Variants in MOCS1 observed in about 807,000 individuals in gnomAD.
MOCS1 encodes molybdenum cofactor biosynthesis protein 1.
MOCS1 carries 39 observed loss-of-function variants against 57.6 expected under a neutral mutation model. That is an observed-to-expected ratio of 0.68 (90% CI 0.52 to 0.88). MOCS1 has a LOEUF of 0.88. Ranked by LOEUF, MOCS1 falls within the 40% of genes least tolerant of loss-of-function variation. MOCS1 has a pLI of 0.00. For synonymous variants in MOCS1, 334 were observed against 335.7 expected (o/e 1.00, Z 0.05); for missense variants, 795 against 831.1 (o/e 0.96, Z 0.53).
In MOCS1 at chr6:39,904,368, A is replaced by C. The variant is rs1310909290; in HGVS notation, c.*1989T>G. Reference sequence around the variant, plus strand: ...CAACAGTGCCTTGGACCATGGACTCATACTCAACTGAGTAAGAAGGGGCTG... The same window carrying C: ...CAACAGTGCCTTGGACCATGGACTCCTACTCAACTGAGTAAGAAGGGGCTG... On this transcript the variant is annotated 3_prime_UTR_variant, in exon 11 of 11. Transcript: ENST00000340692. 3 of 456,652 alleles carry C rather than the reference A, an allele frequency of 6.6e-6. No individual in the cohort carries two copies. In the East Asian group the frequency reaches 2.1e-4, roughly 32 times the overall value. The allele number at this position is 456,652 out of a possible 1,614,324, so 28.3% of individuals were successfully genotyped here.
At position 39,913,768 on chromosome 6, in the gene MOCS1, C is replaced by T; in HGVS notation, c.645+6G>A. The T allele has an allele frequency of 3.1e-6, 5 of 1,614,114 alleles. No homozygotes were observed. The highest frequency in any genetic ancestry group is 2.2e-5 in the East Asian group (1 of 44,874). Reference sequence around the variant, plus strand: ...TCGGGAATCTACGGCAGGGGCACGGCCTCACCTTCACAGGGTTGTAGCCCA... The same window carrying T: ...TCGGGAATCTACGGCAGGGGCACGGTCTCACCTTCACAGGGTTGTAGCCCA... On this transcript the variant is annotated splice_donor_region_variant and intron_variant, in intron 5 of 10. Transcript: ENST00000340692.
chr6:39,921,339 C>T (rs1767957868), intron 3 of MOCS1, among the ~76,000 whole-genome samples: 1 of 151,764 alleles, frequency 6.6e-6, no homozygotes, highest in South Asian at 2.1e-4. Context: ...GCAGTGGTTG[C>T]AGTCAGCTCA....
chr6:39,911,618 T>C (rs1767334875), intron 8 of MOCS1, among the ~76,000 whole-genome samples: 1 of 152,194 alleles, frequency 6.6e-6, no homozygotes, highest in Admixed American at 6.5e-5. Flanking sequence ...TAGCTGACTT[T>C]AATCTGCCCT....
chr6:39,929,577 G>A (rs1201028520), intron 1 of MOCS1, among the ~76,000 whole-genome samples: 1 of 151,978 alleles, frequency 6.6e-6, no homozygotes, highest in Admixed American at 6.6e-5. Context: ...CAAAGAATTG[G>A]AAGTTGAGAG....
intron 1 of MOCS1, among the ~76,000 whole-genome samples, chr6:39,933,745 T>A (rs1768762077): frequency 6.6e-6 from 1 of 151,942 alleles, no homozygotes; most frequent in Admixed American, 6.6e-5. Context: ...CCTGTTCTGC[T>A]CTAGGATAAG....
intron 7 of MOCS1, 143 bp from the exon 8 acceptor site, chr6:39,912,517 T>TGATA: frequency 1.4e-6 from 1 of 699,776 alleles, no homozygotes; most frequent in South Asian, 1.6e-5. Context: ...GGCCCTCAGG[T>TGATA]GATAGAAGAC....
intron 5 of MOCS1, 22 bp from the exon 6 acceptor site, chr6:39,913,450 C>A: frequency 6.2e-7 from 1 of 1,600,968 alleles, no homozygotes; most frequent in Middle Eastern, 1.7e-4. Flanking sequence ...ACAATGGGAC[C>A]ATGAGGGCTG....
In MOCS1 at chr6:39,924,599, G is replaced by A. The variant is rs1465140127; in HGVS notation, c.418+1079C>T. Among the ~76,000 whole-genome samples, 8 of 152,316 alleles carry A rather than the reference G, an allele frequency of 5.3e-5. No individual in the cohort carries two copies. In the East Asian group the frequency reaches 1.2e-3, roughly 22 times the overall value. The stretch of plus-strand genomic sequence containing the variant: ...TAAATATTTTCTACTTGGCTGGCCA[G>A]CTTTGCAACACAGTCTTTGTCAACA... On this transcript the variant is annotated intron_variant, in intron 3 of 10. Transcript: ENST00000340692.
At chr6:39,907,458 T>C (rs558938266) in intron 10 of MOCS1, among the ~76,000 whole-genome samples, 6 of 152,276 alleles carry the variant, frequency 3.9e-5, no homozygotes, top group African/African-American at 1.4e-4. Context: ...CTGGATCACA[T>C]GACCTCTGAA....
rs1473487482 is a variant in MOCS1, at chr6:39,906,773, T to C, written c.1495A>G (p.Lys499Glu). The C allele has an allele frequency of 2.5e-6, 4 of 1,614,216 alleles. No homozygotes were observed. The South Asian group carries it at 3.3e-5, about 13-fold the overall frequency. Reference protein sequence around the residue: ...GRAAMVDVGRKPDTERVAVAS... With the variant: ...GRAAMVDVGREPDTERVAVAS... ...ACAGCCACCCGCTCTGTGTCTGGCT[T>C]CCTGCCCACATCTACCATAGCTGCC... Residue 499 changes from lysine (K) to glutamate (E), a missense_variant, in exon 11 of 11, where the codon AAG (lysine) becomes GAG (glutamate). Around this residue, in one of 3 missense-constraint regions of MOCS1, gnomAD observed 374 missense variants for 422.6 expected, o/e 0.89. Coordinates refer to ENST00000340692, the MANE Select transcript of MOCS1 (RefSeq NM_001358530.2).
Position 39,913,328 on chromosome 6 carries a change from A to G in MOCS1, c.746T>C (p.Met249Thr). The G allele has an allele frequency of 6.2e-7, 1 of 1,614,020 alleles. No homozygotes were observed. The highest frequency in any genetic ancestry group is 8.5e-7 in the Non-Finnish European group (1 of 1,179,866). The change falls in exon 6 of 11, where the codon ATG becomes ACG. Residue 249 changes from methionine to threonine, a missense_variant. Around this residue, in one of 3 missense-constraint regions of MOCS1, gnomAD observed 416 missense variants for 392.4 expected, o/e 1.06. Transcript: ENST00000340692. ...LPLDVRFIEY[M>T]PFDGNKWNFK... The stretch of plus-strand genomic sequence containing the variant: ...CCCTGGTCACTGACCATCAAAGGGC[A>G]TATACTCTATGAAGCGCACATCCAG...
At chr6:39,927,671 T>A (rs3008822) in intron 1 of MOCS1, 1 of 1,560,104 alleles carries the variant, frequency 6.4e-7, no homozygotes, top group African/African-American at 1.4e-5. Flanking sequence ...GTATTCAGCT[T>A]GGGGGTCGGG....
chr6:39,925,190 G>A (rs1040838976), intron 3 of MOCS1, among the ~76,000 whole-genome samples: 1 of 151,916 alleles, frequency 6.6e-6, no homozygotes, highest in Non-Finnish European at 1.5e-5. Context: ...AGTGGCTGGT[G>A]TGAGTACATG....
chr6:39,917,864 A>G (rs768419237), intron 3 of MOCS1, among the ~76,000 whole-genome samples: 3 of 152,242 alleles, frequency 2.0e-5, no homozygotes, highest in Non-Finnish European at 2.9e-5. Context: ...CAGAATGAAC[A>G]CAGGAATGAA....
chr6:39,932,043 C>T (rs940922389), intron 1 of MOCS1, among the ~76,000 whole-genome samples: 1 of 152,138 alleles, frequency 6.6e-6, no homozygotes, highest in Admixed American at 6.5e-5. Context: ...GGACTCAGCC[C>T]ACAGCCCCCT....
intron 1 of MOCS1, among the ~76,000 whole-genome samples, chr6:39,933,551 A>G (rs1768750149): frequency 6.6e-6 from 1 of 152,188 alleles, no homozygotes. Context: ...AGGTTTCACT[A>G]AATGAAAAGA....
In MOCS1 at chr6:39,927,411, G is replaced by C; in HGVS notation, c.168C>G (p.Pro56=). Residue 56 remains proline (P), a synonymous_variant, in exon 2 of 11, where the codon CCC becomes CCG. Coordinates refer to ENST00000340692, the MANE Select transcript of MOCS1 (RefSeq NM_001358530.2). ...AGCTGTCTGTGAGGAAGGCGGAGAA[G>C]GGGGCCGCATGCTCCCGCAGGAACT... The part of the protein sequence containing the change: ...RRQFLREHAA[P]FSAFLTDSFG... 1 of 1,612,762 alleles carries C rather than the reference G, an allele frequency of 6.2e-7. No homozygotes were observed. Among genetic ancestry groups the C allele is most frequent in the Non-Finnish European group, 8.5e-7 (1 of 1,179,870 alleles).
intron 9 of MOCS1, among the ~76,000 whole-genome samples, chr6:39,909,607 C>T (rs1486487157): frequency 1.3e-5 from 2 of 152,104 alleles, no homozygotes; most frequent in Non-Finnish European, 2.9e-5. Context: ...AATCTGGGGT[C>T]CCCTCTCCTG....
In MOCS1 at chr6:39,912,320, C is replaced by G; in HGVS notation, c.925G>C (p.Glu309Gln). ...CGGTTGCAGGTCCCACAGAAATGCT[C>G]AGACATGGATGTGATGAAGCTGATC... The part of the protein sequence containing the change: ...GQISFITSMS[E>Q]HFCGTCNRLR... The change falls in exon 8 of 11, where the codon GAG (glutamate) becomes CAG (glutamine). Residue 309 changes from glutamate to glutamine, a missense_variant. By Grantham distance (29) the Glu-to-Gln change is conservative. Around this residue, in one of 3 missense-constraint regions of MOCS1, gnomAD observed 374 missense variants for 422.6 expected, o/e 0.89. Transcript: ENST00000340692. 2 of 1,614,030 alleles carry G rather than the reference C, an allele frequency of 1.2e-6. No individual in the cohort carries two copies. The highest frequency in any genetic ancestry group is 4.5e-5 in the East Asian group (2 of 44,882).
Sources: allele counts gnomAD v4.1 joint callset (sites outside exome capture counted in the v4.1 genomes callset), GRCh38; gene constraint gnomAD v4.1.1; regional missense constraint gnomAD v4.1.1; transcripts MANE v1.5; gene names NCBI Gene and HGNC (gene_info 2026-07-23, HGNC 2026-07-21).